The following DENND2A variants were observed in gnomAD, a reference collection of about 807,000 sequenced individuals.
DENND2A encodes the protein DENN domain containing 2A, also known as DENN domain-containing protein 2A.
DENND2A carries 53 observed loss-of-function variants against 105.3 expected under a neutral mutation model. That is an observed-to-expected ratio of 0.50 (90% CI 0.40 to 0.63). DENND2A has a LOEUF of 0.63. Among genes scored for constraint, DENND2A ranks in the 30% least tolerant of loss-of-function variants. DENND2A has a pLI of 0.00. For missense variants in DENND2A, 1,138 were observed against 1,279.6 expected (o/e 0.89, Z 1.69); for synonymous variants, 522 against 508.4 (o/e 1.03, Z -0.36).
At chr7:140,543,445 C>T (rs1025183172) in intron 14 of DENND2A, 3 of 151,718 alleles carry the variant, frequency 2.0e-5, no homozygotes, top group Admixed American at 6.6e-5. Context: ...TGTCTTTTCT[C>T]TGTTTTCCTA....
chr7:140,639,212 T>C (rs269246), intron 1 of DENND2A, among the ~76,000 whole-genome samples: 104,817 of 151,694 alleles, frequency 0.69, 38,428 homozygotes, highest in East Asian at 0.93. Flanking sequence ...ATTAGCTGGG[T>C]GTGGTGGTGG....
rs529370878 is a variant in DENND2A at position 140,523,229 on chromosome 7, C to T, written c.2665+78G>A. On this transcript the variant is annotated intron_variant, in intron 17 of 19. Transcript: ENST00000496613. This position sits in a 1 kb window ranked among gnomAD's most constrained non-coding sequence, Gnocchi z 4.5. ...CTCCCTTGCCCATATTCCTACTTGG[C>T]CCTTGGCCACTGCCCATTTGTTCCC... 2 of 1,373,546 alleles carry T rather than the reference C, an allele frequency of 1.5e-6. No individual in the cohort carries two copies. Among genetic ancestry groups the T allele is most frequent in the Admixed American group, 1.7e-5 (1 of 59,222 alleles). The allele number at this position is 1,373,546 out of a possible 1,614,324, so 85.1% of individuals were successfully genotyped here. A position where few individuals can be genotyped will look rare whatever the true frequency, so the allele number is the denominator to read the frequency against.
chr7:140,564,875 T>A (rs935173547), intron 9 of DENND2A, among the ~76,000 whole-genome samples: 1 of 152,128 alleles, frequency 6.6e-6, no homozygotes. Flanking sequence ...CAGTGATCTC[T>A]GTTGTGAGTC....
rs368934403 is a variant in DENND2A, at chr7:140,529,063, C to T, written c.2328-1568G>A. Among the ~76,000 whole-genome samples, 140 of 152,252 alleles carry T rather than the reference C, an allele frequency of 9.2e-4. 3 individuals are homozygous for T. In the South Asian group the frequency reaches 0.029, roughly 31 times the overall value. On this transcript the variant is annotated intron_variant, in intron 14 of 19. Transcript: ENST00000496613. ...GAGGTTGCAGTGAGCCGAGATTGCG[C>T]CATTGCACTCCAGCCTGGGTGACAG...
intron 3 of DENND2A, among the ~76,000 whole-genome samples, chr7:140,600,733 T>C (rs1255681454): frequency 6.6e-6 from 1 of 152,152 alleles, no homozygotes; most frequent in Non-Finnish European, 1.5e-5. Context: ...GTACAACAAC[T>C]GTTCTGAGGA....
chr7:140,602,549 A>G lies in DENND2A; in HGVS notation c.-145-7T>C. ...TGGACCTTCCACCTTGACCCTGCAC[A>G]AGAAAGACAAACACCAGGTGAGTGA... is the stretch of plus-strand genomic sequence containing the variant. On this transcript the variant is annotated splice_region_variant and splice_polypyrimidine_tract_variant and intron_variant, in intron 2 of 19. Coordinates refer to ENST00000496613, the MANE Select transcript of DENND2A (RefSeq NM_015689.5). 2 of 678,824 alleles carry G rather than the reference A, an allele frequency of 2.9e-6. No individual in the cohort carries two copies. Among genetic ancestry groups the G allele is most frequent in the Admixed American group, 3.5e-5 (1 of 28,474 alleles). The allele number at this position is 678,824 out of a possible 1,614,324, so 42.1% of individuals were successfully genotyped here.
At chr7:140,547,892 G>A (rs559526625) in intron 12 of DENND2A, among the ~76,000 whole-genome samples, 39 of 152,276 alleles carry the variant, frequency 2.6e-4, no homozygotes, top group African/African-American at 7.9e-4. Context: ...GCCATCTAAT[G>A]TATGATTCCA....
In DENND2A at chr7:140,550,234, C is replaced by T. The variant is rs993730799; in HGVS notation, c.2038-3295G>A. On this transcript the variant is annotated intron_variant, in intron 12 of 19. Transcript: ENST00000496613. ...TGAGACAGAGTTTCGCTCTTGTTGCCCAGGCTGGAGTGCAATGGCATGATT... is the reference window on the plus strand; with the variant it reads ...TGAGACAGAGTTTCGCTCTTGTTGCTCAGGCTGGAGTGCAATGGCATGATT... 2.6e-5 allele frequency among the ~76,000 whole-genome samples: 4 copies of T among 152,194 alleles called. No homozygotes were observed. In the South Asian group the frequency reaches 8.3e-4, roughly 32 times the overall value.
At chr7:140,605,422 A>G (rs1252031346) in intron 2 of DENND2A, among the ~76,000 whole-genome samples, 1 of 152,234 alleles carries the variant, frequency 6.6e-6, no homozygotes, top group African/African-American at 2.4e-5. Flanking sequence ...ACATCCTAGT[A>G]GTTAGAAAAA....
At chr7:140,557,532 T>TATATATATATATATATG (rs71173208) in intron 11 of DENND2A, among the ~76,000 whole-genome samples, 2 of 14,288 alleles carry the variant, frequency 1.4e-4, no homozygotes, top group African/African-American at 1.8e-4. Flanking sequence ...TATATATATA[T>TATATATATATATATATG]TTTTTTTTTT....
chr7:140,583,740 A>AG (rs1298903320), intron 5 of DENND2A, among the ~76,000 whole-genome samples: 5 of 146,564 alleles, frequency 3.4e-5, no homozygotes, highest in Non-Finnish European at 7.4e-5. Flanking sequence ...CCATCCTGTG[A>AG]ATGGTGAAAC....
chr7:140,535,989 C>T (rs547733574), intron 14 of DENND2A, among the ~76,000 whole-genome samples: 1 of 152,236 alleles, frequency 6.6e-6, no homozygotes, highest in Admixed American at 6.5e-5. Flanking sequence ...CGAAGGGTGT[C>T]ACAGGAAGGT....
At chr7:140,620,204 A>G (rs1415566024) in intron 1 of DENND2A, among the ~76,000 whole-genome samples, 1 of 152,030 alleles carries the variant, frequency 6.6e-6, no homozygotes, top group East Asian at 1.9e-4. Context: ...TCAAAAAAAT[A>G]AAAAAAGAAA....
chr7:140,519,694 T>C lies in DENND2A; in HGVS notation c.2936A>G (p.Glu979Gly). 6.2e-7 allele frequency: 1 copy of C among 1,614,084 alleles called. No homozygotes were observed. Among genetic ancestry groups the C allele is most frequent in the Non-Finnish European group, 8.5e-7 (1 of 1,180,014 alleles). ...TCCACTGGGGAGTGTTTCCAGATAC[T>C]CTTGGGCTCGGACCTCAAACAGACC... ...AKGLFEVRAQEYLETLPSGEH... is the reference protein window; with the variant it reads ...AKGLFEVRAQGYLETLPSGEH... The change falls in exon 19 of 20, where the codon GAG becomes GGG. Residue 979 changes from glutamate to glycine, a missense_variant. Transcript: ENST00000496613.
chr7:140,568,636 G>A (rs890721910), intron 8 of DENND2A, 127 bp downstream of exon 8: 51 of 923,832 alleles, frequency 5.5e-5, no homozygotes, highest in Non-Finnish European at 5.4e-5. Flanking sequence ...ACTGTCTCCC[G>A]AGATGTCCAC....
chr7:140,597,745 G>T (rs1163180627), intron 3 of DENND2A, among the ~76,000 whole-genome samples: 4 of 152,180 alleles, frequency 2.6e-5, no homozygotes, highest in African/African-American at 9.7e-5. Context: ...GAATCAACCT[G>T]TCCCTGGGGG....
intron 5 of DENND2A, among the ~76,000 whole-genome samples, chr7:140,575,270 C>A (rs1798254498): frequency 6.6e-6 from 1 of 151,966 alleles, no homozygotes; most frequent in South Asian, 2.1e-4. Context: ...ATTAAAGCTC[C>A]ATTAAAGAAA....
intron 1 of DENND2A, among the ~76,000 whole-genome samples, chr7:140,614,460 T>G (rs1800013394): frequency 1.3e-5 from 2 of 152,338 alleles, no homozygotes; most frequent in African/African-American, 4.8e-5. Context: ...ATCCTCAACC[T>G]GGGCAAAATA....
chr7:140,537,446 G>C (rs1173036885), intron 14 of DENND2A, among the ~76,000 whole-genome samples: 2 of 152,076 alleles, frequency 1.3e-5, no homozygotes, highest in African/African-American at 4.8e-5. Flanking sequence ...TTTCTTATTT[G>C]TTTTATTTTT....
Sources: gnomAD v4.1 joint callset for allele counts (sites outside exome capture counted in the v4.1 genomes callset) on GRCh38, gnomAD v4.1.1 for gene constraint, Gnocchi (gnomAD v3.1) non-coding constraint, MANE v1.5 for transcripts, NCBI Gene and HGNC (gene_info 2026-07-23, HGNC 2026-07-21) for gene names.